Variants in EIF3A observed in about 807,000 individuals in gnomAD.
EIF3A encodes EIF3, p180 subunit.
A neutral mutation model predicts 186.6 loss-of-function variants in EIF3A; 21 were observed. That is an observed-to-expected ratio of 0.11 (90% CI 0.08 to 0.16). The LOEUF is 0.16. EIF3A is among the 10% of genes least tolerant of loss of function. The pLI is 1.00. For synonymous variants in EIF3A, 563 were observed against 584.3 expected, an observed-to-expected ratio of 0.96 and a Z score of 0.52; for missense variants, 1,306 against 1,796.3, an observed-to-expected ratio of 0.73 and a Z score of 4.93.
intron 17 of EIF3A, among the ~76,000 whole-genome samples, chr10:119,045,980 A>C (rs1848278828): frequency 1.3e-5 from 2 of 152,244 alleles, no homozygotes. Context: ...GAAACATTAA[A>C]GATATAAAGA....
In EIF3A at chr10:119,042,281, C is replaced by T. The variant is rs1374228102; in HGVS notation, c.3239G>A (p.Arg1080Lys). The change falls in exon 19 of 22, where the codon AGG becomes AAG. Residue 1080 changes from arginine (R) to lysine (K), a missense_variant. By Grantham distance (26) the Arg-to-Lys change is conservative. Coordinates refer to ENST00000369144, the MANE Select transcript of EIF3A (RefSeq NM_003750.4). This position sits in a 1 kb window ranked among gnomAD's most constrained non-coding sequence, Gnocchi z 7.8. ...RRGLDDDRGP[R>K]RGMDDDRGPR... ...ACCCCGGTCATCATCCATGCCTCGC[C>T]TGGGACCCCGATCATCATCCAACCC... is the stretch of plus-strand genomic sequence containing the variant. 6.2e-7 allele frequency: 1 copy of T among 1,613,096 alleles called. No individual in the cohort carries two copies. The highest frequency in any genetic ancestry group is 8.5e-7 in the Non-Finnish European group (1 of 1,179,766).
chr10:119,048,694 CAG>C (rs1288051173), intron 17 of EIF3A, among the ~76,000 whole-genome samples: 1 of 150,590 alleles, frequency 6.6e-6, no homozygotes, highest in Admixed American at 6.6e-5. Context: ...TCCCCTGAGA[CAG>C]AGTCTTGCTC....
In EIF3A at chr10:119,034,976, A is replaced by C. The variant is rs991604555; in HGVS notation, c.*1063T>G. Reference sequence around the variant, plus strand: ...ACTGATAAAAATTCAAGTAAAAAAAACTCAACTGAATATGCAAACTTACCA... The same window carrying C: ...ACTGATAAAAATTCAAGTAAAAAAACCTCAACTGAATATGCAAACTTACCA... On this transcript the variant is annotated 3_prime_UTR_variant, in exon 22 of 22. Transcript: ENST00000369144. 2.0e-5 allele frequency: 3 copies of C among 152,630 alleles called. No individual in the cohort carries two copies. Among genetic ancestry groups the C allele is most frequent in the Admixed American group, 1.3e-4 (2 of 15,278 alleles). The allele number at this position is 152,630 out of a possible 1,614,324, so 9.5% of individuals were successfully genotyped here. A position where few individuals can be genotyped will look rare whatever the true frequency, so the allele number is the denominator to read the frequency against.
chr10:119,071,079 T>G lies in EIF3A; in HGVS notation c.548A>C (p.Lys183Thr). ...CTTACGCGTGTATTGGAGGCAGAATTTGAAAGCTATAAGCATAATTGTAAA... is the reference window on the plus strand; with the variant it reads ...CTTACGCGTGTATTGGAGGCAGAATGTGAAAGCTATAAGCATAATTGTAAA... ...LYHDIAQQAF[K>T]FCLQYTRKAE... The change falls in exon 5 of 22, where the codon AAA becomes ACA. Residue 183 changes from lysine (K) to threonine (T), a missense_variant. By Grantham distance (78) the Lys-to-Thr change is moderately conservative (BLOSUM62 -1). Around this residue, in one of 8 missense-constraint regions of EIF3A, gnomAD observed 130 missense variants for 259.3 expected, o/e 0.50. Transcript: ENST00000369144. The G allele has an allele frequency of 6.2e-7, 1 of 1,612,228 alleles. No homozygotes were observed. Among genetic ancestry groups the G allele is most frequent in the Non-Finnish European group, 8.5e-7 (1 of 1,178,248 alleles).
At chr10:119,063,280 A>C (rs1044488482) in intron 7 of EIF3A, among the ~76,000 whole-genome samples, 1 of 152,184 alleles carries the variant, frequency 6.6e-6, no homozygotes, top group African/African-American at 2.4e-5. Context: ...GGAGGAATAC[A>C]AAGTAGAAAA....
intron 1 of EIF3A, 21 bp downstream of exon 1, chr10:119,080,607 G>A (rs749742956): frequency 6.4e-7 from 1 of 1,572,476 alleles, no homozygotes. Context: ...CCAGCCCGGC[G>A]CGCCCCGATC....
At chr10:119,073,310 T>C in intron 3 of EIF3A, 131 bp downstream of exon 3, 1 of 746,916 alleles carries the variant, frequency 1.3e-6, no homozygotes, top group East Asian at 2.6e-5. Context: ...AACTGGTTAC[T>C]ATGCATTTAA....
At chr10:119,044,665 G>A (rs941125335) in intron 17 of EIF3A, among the ~76,000 whole-genome samples, 7 of 152,068 alleles carry the variant, frequency 4.6e-5, no homozygotes, top group African/African-American at 7.2e-5. Flanking sequence ...TGGCTAACAC[G>A]GTGAAACCCT....
In EIF3A at chr10:119,042,537, C is replaced by T. The variant is rs754930416; in HGVS notation, c.2983G>A (p.Asp995Asn). The change falls in exon 19 of 22, where the codon GAC (aspartate) becomes AAC (asparagine). Residue 995 changes from aspartate to asparagine, a missense_variant. Transcript: ENST00000369144. This position sits in a 1 kb window ranked among gnomAD's most constrained non-coding sequence, Gnocchi z 7.8. ...TCGGCAATTCGTCTGGGAGGCCTGTCATCATCTGTGTTACGCCAGGAAGGC... is the reference window on the plus strand; with the variant it reads ...TCGGCAATTCGTCTGGGAGGCCTGTTATCATCTGTGTTACGCCAGGAAGGC... Reference protein sequence around the residue: ...DRPSWRNTDDDRPPRRIADED... With the variant: ...DRPSWRNTDDNRPPRRIADED... The T allele has an allele frequency of 1.2e-6, 2 of 1,614,136 alleles. No individual in the cohort carries two copies. The highest frequency in any genetic ancestry group is 1.7e-6 in the Non-Finnish European group (2 of 1,179,988).
chr10:119,050,452 A>G, intron 16 of EIF3A, 69 bp downstream of exon 16: 1 of 1,463,882 alleles, frequency 6.8e-7, no homozygotes, highest in South Asian at 1.2e-5. Context: ...TCTACATAAG[A>G]TCACTAAAAA....
At chr10:119,055,004 G>A (rs1030590336) in intron 14 of EIF3A, among the ~76,000 whole-genome samples, 7 of 152,090 alleles carry the variant, frequency 4.6e-5, no homozygotes, top group African/African-American at 1.7e-4. Flanking sequence ...GAGGTCAGGA[G>A]TTCAAGACCA....
chr10:119,061,352 G>A, intron 7 of EIF3A, 24 bp from the exon 8 acceptor site: 1 of 1,084,650 alleles, frequency 9.2e-7, no homozygotes. Context: ...AACAAAAGAT[G>A]TAACTGCCAA....
chr10:119,054,858 C>T (rs1177272022), intron 14 of EIF3A, among the ~76,000 whole-genome samples: 1 of 152,196 alleles, frequency 6.6e-6, no homozygotes, highest in Non-Finnish European at 1.5e-5. Flanking sequence ...GGTGACTCTT[C>T]TATTCAGTTG....
At chr10:119,067,401 G>C (rs1036771025) in intron 6 of EIF3A, among the ~76,000 whole-genome samples, 9 of 152,098 alleles carry the variant, frequency 5.9e-5, no homozygotes, top group African/African-American at 2.2e-4. Flanking sequence ...ACCAGCCTGG[G>C]CAACATAACG....
Position 119,070,965 on chromosome 10 carries a change from T to G in EIF3A, c.662A>C (p.Asn221Thr). Residue 221 changes from asparagine (N) to threonine (T), a missense_variant, in exon 5 of 22, where the codon AAT (asparagine) becomes ACT (threonine). Coordinates refer to ENST00000369144, the MANE Select transcript of EIF3A (RefSeq NM_003750.4). ...ATGCATGGACTGGCTCTCTGGATTATTAAGATTGATTGCCGTACTTTGGTT... is the reference window on the plus strand; with the variant it reads ...ATGCATGGACTGGCTCTCTGGATTAGTAAGATTGATTGCCGTACTTTGGTT... ...HHNQSTAINLNNPESQSMHLE... is the reference protein window; with the variant it reads ...HHNQSTAINLTNPESQSMHLE... 1.2e-6 allele frequency: 2 copies of G among 1,614,026 alleles called. No homozygotes were observed. Among genetic ancestry groups the G allele is most frequent in the Non-Finnish European group, 1.7e-6 (2 of 1,179,846 alleles).
rs778259276 is a variant in EIF3A at position 119,060,843 on chromosome 10, A to C, written c.1229T>G (p.Val410Gly). ...PLKLCERVTK[V>G]LNWVREQPEK... ...AGGTTGTTCCCTAACCCAATTTAGAACCTATAAAATCCATTAAATTGAAAG... is the reference window on the plus strand; with the variant it reads ...AGGTTGTTCCCTAACCCAATTTAGACCCTATAAAATCCATTAAATTGAAAG... The change falls in exon 9 of 22, where the codon GTT (valine) becomes GGT (glycine). Residue 410 changes from valine to glycine, a missense_variant and splice_region_variant. Val to Gly is a moderately radical substitution (Grantham distance 109, BLOSUM62 -3). Transcript: ENST00000369144. 6.3e-7 allele frequency: 1 copy of C among 1,599,154 alleles called. No homozygotes were observed. Among genetic ancestry groups the C allele is most frequent in the South Asian group, 1.1e-5 (1 of 88,704 alleles).
At chr10:119,050,451 G>T in intron 16 of EIF3A, 70 bp downstream of exon 16, 1 of 1,456,664 alleles carries the variant, frequency 6.9e-7, no homozygotes, top group Non-Finnish European at 9.4e-7. Flanking sequence ...TTCTACATAA[G>T]ATCACTAAAA....
chr10:119,080,139 C>CG (rs1844239171), intron 1 of EIF3A, among the ~76,000 whole-genome samples: 1 of 152,154 alleles, frequency 6.6e-6, no homozygotes, highest in Non-Finnish European at 1.5e-5. Flanking sequence ...GCGGGAAGGC[C>CG]GGGGGTGGGT....
chr10:119,044,261 A>C, intron 17 of EIF3A, 119 bp from the exon 18 acceptor site: 1 of 699,952 alleles, frequency 1.4e-6, no homozygotes, highest in Non-Finnish European at 2.5e-6. Context: ...TAAATAAGCA[A>C]GTTTTAAAAT....
Sources: allele counts gnomAD v4.1 joint callset (sites outside exome capture counted in the v4.1 genomes callset), GRCh38; gene constraint gnomAD v4.1.1; regional missense constraint gnomAD v4.1.1; non-coding constraint Gnocchi (gnomAD v3.1); transcripts MANE v1.5; gene names NCBI Gene and HGNC (gene_info 2026-07-23, HGNC 2026-07-21).